Variants in DAB1 observed in about 807,000 individuals in gnomAD.
DAB1 encodes DAB adaptor protein 1.
A neutral mutation model predicts 64.6 loss-of-function variants in DAB1; 15 were observed. The ratio of observed to expected loss-of-function variants is 0.23; its 90% CI spans 0.16 to 0.36. The LOEUF (loss-of-function observed/expected upper bound fraction) is 0.36, where lower values mean the gene tolerates loss of function less well. DAB1 is among the 10% of genes least tolerant of loss of function. DAB1 has a pLI of 1.00. For missense variants in DAB1, 596 were observed against 706.7 expected (o/e 0.84, Z 1.78); for synonymous variants, 235 against 251.9 (o/e 0.93, Z 0.64).
chr1:58,495,900 T>C (rs977473042), intron 3 of DAB1, among the ~76,000 whole-genome samples: 1 of 152,194 alleles, frequency 6.6e-6, no homozygotes, highest in Non-Finnish European at 1.5e-5. Context: ...TATGCCTTTT[T>C]ACCTAGGTAG....
At chr1:57,449,833 A>G (rs1686285683) in intron 7 of DAB1, among the ~76,000 whole-genome samples, 1 of 152,216 alleles carries the variant, frequency 6.6e-6, no homozygotes, top group South Asian at 2.1e-4. Context: ...CCAGTTTATG[A>G]AAATGTGACA....
chr1:57,750,227 C>T (rs767880987), intron 6 of DAB1, among the ~76,000 whole-genome samples: 1 of 152,128 alleles, frequency 6.6e-6, no homozygotes, highest in African/African-American at 2.4e-5. Context: ...CTCTCCTTCC[C>T]TTTTTGTGTT....
chr1:57,401,138 C>T (rs1683211984), intron 1 of DAB1, among the ~76,000 whole-genome samples: 1 of 152,042 alleles, frequency 6.6e-6, no homozygotes, highest in African/African-American at 2.4e-5. Flanking sequence ...AAATGATTTA[C>T]CTCTACACTC....
chr1:57,094,108 CAA>C (rs59491159), intron 4 of DAB1, among the ~76,000 whole-genome samples: 15 of 112,632 alleles, frequency 1.3e-4, no homozygotes, highest in Admixed American at 2.7e-4. Context: ...GACTCTGCCT[CAA>C]AAAAAAAAAA....
At chr1:57,392,126 C>T (rs1262424578) in intron 1 of DAB1, among the ~76,000 whole-genome samples, 1 of 152,178 alleles carries the variant, frequency 6.6e-6, no homozygotes, top group Non-Finnish European at 1.5e-5. Context: ...ATAATCCCAG[C>T]ACTTTGGGAG....
At chr1:57,060,771 T>C (rs1174045273) in intron 9 of DAB1, among the ~76,000 whole-genome samples, 1 of 150,320 alleles carries the variant, frequency 6.7e-6, no homozygotes, top group Non-Finnish European at 1.5e-5. Flanking sequence ...CAGAAGGAGG[T>C]AGATTAGACA....
chr1:57,091,223 G>C (rs1653648001), intron 4 of DAB1, among the ~76,000 whole-genome samples: 1 of 151,974 alleles, frequency 6.6e-6, no homozygotes, highest in Non-Finnish European at 1.5e-5. Flanking sequence ...AAAAAGATTA[G>C]GGACTGCTAT....
intron 3 of DAB1, chr1:58,474,108 G>A: frequency 2.4e-6 from 1 of 412,852 alleles, no homozygotes; most frequent in Non-Finnish European, 4.7e-6. Context: ...CCTGTGGAGT[G>A]TGGATGAAAA....
At chr1:58,426,058 GT>G (rs1644819186) in intron 3 of DAB1, among the ~76,000 whole-genome samples, 1 of 152,210 alleles carries the variant, frequency 6.6e-6, no homozygotes. Context: ...GGAACTTAAA[GT>G]TTGCAAGGCA....
chr1:57,569,072 C>A (rs1239310354), intron 7 of DAB1, among the ~76,000 whole-genome samples: 1 of 150,702 alleles, frequency 6.6e-6, no homozygotes, highest in Non-Finnish European at 1.5e-5. Flanking sequence ...TCCTGGCTAA[C>A]ACGGTGAAAC....
chr1:58,082,846 C>T (rs1217238493), intron 5 of DAB1, among the ~76,000 whole-genome samples: 2 of 152,010 alleles, frequency 1.3e-5, no homozygotes, highest in Non-Finnish European at 1.5e-5. Context: ...GGACATCCAT[C>T]GTCTGAAAGC....
At chr1:57,005,410 C>T (rs1646031093) in intron 14 of DAB1, among the ~76,000 whole-genome samples, 1 of 152,252 alleles carries the variant, frequency 6.6e-6, no homozygotes, top group Non-Finnish European at 1.5e-5. Context: ...CTGATAGTCT[C>T]TGGGGATCCT....
chr1:57,889,123 AG>A (rs1466602577), intron 5 of DAB1, among the ~76,000 whole-genome samples: 6 of 152,080 alleles, frequency 3.9e-5, no homozygotes, highest in Non-Finnish European at 4.4e-5. Flanking sequence ...CTACTTTTCT[AG>A]GTTGTGGTGA....
chr1:57,678,858 C>G (rs1646602192), intron 6 of DAB1, among the ~76,000 whole-genome samples: 1 of 151,334 alleles, frequency 6.6e-6, no homozygotes, highest in Non-Finnish European at 1.5e-5. Context: ...ACTTCGCCTC[C>G]CGGGTTCACA....
At chr1:58,282,899 C>CA (rs1337442603) in intron 4 of DAB1, among the ~76,000 whole-genome samples, 3 of 152,286 alleles carry the variant, frequency 2.0e-5, no homozygotes, top group Admixed American at 6.5e-5. Context: ...GCGATCCTTC[C>CA]ATATTAGGTG....
At chr1:57,784,930 T>A (rs532953574) in intron 6 of DAB1, among the ~76,000 whole-genome samples, 25 of 152,314 alleles carry the variant, frequency 1.6e-4, no homozygotes, top group African/African-American at 6.0e-4. Context: ...AGGACTTTCA[T>A]AGCTAGACAG....
intron 7 of DAB1, among the ~76,000 whole-genome samples, chr1:57,539,318 G>A (rs1025476896): frequency 1.3e-5 from 2 of 152,124 alleles, no homozygotes; most frequent in East Asian, 1.9e-4. Flanking sequence ...TAAAATAGGA[G>A]GGGAGTATGT....
chr1:57,043,674 C>G (rs1648088819), intron 9 of DAB1, among the ~76,000 whole-genome samples: 2 of 152,102 alleles, frequency 1.3e-5, no homozygotes, highest in African/African-American at 4.8e-5. Flanking sequence ...TGGTGAAACC[C>G]CATCTCTACT....
chr1:57,458,538 A>G (rs890076066), intron 7 of DAB1, among the ~76,000 whole-genome samples: 2 of 152,124 alleles, frequency 1.3e-5, no homozygotes, highest in Non-Finnish European at 2.9e-5. Context: ...TTAAATATAA[A>G]GCTCAGAAAT....
Sources: allele counts gnomAD v4.1 joint callset (sites outside exome capture counted in the v4.1 genomes callset), GRCh38; gene constraint gnomAD v4.1.1; transcripts MANE v1.5; gene names NCBI Gene and HGNC (gene_info 2026-07-23, HGNC 2026-07-21).